Variants in PRELID2 observed in about 807,000 individuals in gnomAD.
PRELID2 encodes the protein PRELI domain containing 2.
A neutral mutation model predicts 28.4 loss-of-function variants in PRELID2; 25 were observed. The ratio of observed to expected loss-of-function variants is 0.88; its 90% confidence interval spans 0.64 to 1.23. The LOEUF is 1.23. Ranked by LOEUF, PRELID2 falls within the 50% of genes most tolerant of loss-of-function variation. The pLI, the probability that PRELID2 is intolerant of heterozygous loss-of-function variation, is 0.00. For synonymous variants in PRELID2, 76 were observed against 71.6 expected (o/e 1.06, Z -0.31); for missense variants, 201 against 214.4 (o/e 0.94, Z 0.39).
At chr5:145,579,884 A>G (rs934869929) in intron 1 of PRELID2, among the ~76,000 whole-genome samples, 1 of 152,028 alleles carries the variant, frequency 6.6e-6, no homozygotes, top group African/African-American at 2.4e-5. Flanking sequence ...TAAGGGCACA[A>G]CCTTGCCAGG....
chr5:145,275,767 T>G, the PRELID2 span, among the ~76,000 whole-genome samples: 3 of 152,124 alleles, frequency 2.0e-5, no homozygotes, highest in Admixed American at 1.3e-4. Flanking sequence ...TTTAGTCCAA[T>G]GGTTAAGAAC....
chr5:145,532,561 ATGTATT>A, intron 1 of PRELID2, among the ~76,000 whole-genome samples: 1 of 152,184 alleles, frequency 6.6e-6, no homozygotes, highest in South Asian at 2.1e-4. Flanking sequence ...GATCTGCAGA[ATGTATT>A]CCTCCTGTCT....
chr5:145,764,920 T>C lies in PRELID2; in HGVS notation c.*10+11A>G. The C allele has an allele frequency of 6.2e-7, 1 of 1,600,242 alleles. No homozygotes were observed. Among genetic ancestry groups the C allele is most frequent in the South Asian group, 1.1e-5 (1 of 90,678 alleles). On this transcript the variant is annotated intron_variant, in intron 6 of 6. Transcript: ENST00000683046. ...TGTGTAAATAATTCTGACTTTGCTT[T>C]TGGTACTCACTGATGATTCTTTATT...
chr5:145,688,771 A>G (rs1055701145), intron 1 of PRELID2, among the ~76,000 whole-genome samples: 2 of 152,230 alleles, frequency 1.3e-5, no homozygotes, highest in African/African-American at 4.8e-5. Context: ...CGATGCAACT[A>G]TAAAATCAGG....
the PRELID2 span, among the ~76,000 whole-genome samples, chr5:145,307,793 G>GA: frequency 0.022 from 3,254 of 147,946 alleles, 57 homozygotes; most frequent in Non-Finnish European, 0.035. Context: ...ATTGGAGCAG[G>GA]AAAAAAAAAA....
At chr5:145,556,134 C>T (rs1026026490) in intron 1 of PRELID2, among the ~76,000 whole-genome samples, 5 of 147,300 alleles carry the variant, frequency 3.4e-5, no homozygotes, top group African/African-American at 1.0e-4. Flanking sequence ...GCCAAGATCA[C>T]GCCACTGCAC....
chr5:145,828,224 T>G (rs185332618), intron 1 of PRELID2, among the ~76,000 whole-genome samples: 3 of 152,306 alleles, frequency 2.0e-5, no homozygotes, highest in East Asian at 1.9e-4. Flanking sequence ...CTCAAAGAGT[T>G]GTTATAAGAA....
intron 1 of PRELID2, among the ~76,000 whole-genome samples, chr5:145,688,142 AG>A (rs1326313445): frequency 3.7e-4 from 56 of 152,324 alleles, no homozygotes; most frequent in African/African-American, 1.3e-3. Flanking sequence ...GGTGATGGGA[AG>A]GCTTTTAACC....
chr5:145,400,819 C>T, the PRELID2 span, among the ~76,000 whole-genome samples: 24 of 152,114 alleles, frequency 1.6e-4, no homozygotes, highest in Non-Finnish European at 2.9e-4. Flanking sequence ...CAACCATGAC[C>T]TGGGACAGAA....
chr5:145,483,881 G>A (rs190177811), intron 1 of PRELID2, among the ~76,000 whole-genome samples: 169 of 152,302 alleles, frequency 1.1e-3, no homozygotes, highest in African/African-American at 3.8e-3. Flanking sequence ...GCAAGTGAGT[G>A]TTTCCCTTGT....
At chr5:145,585,421 G>A (rs959035732) in intron 1 of PRELID2, among the ~76,000 whole-genome samples, 5 of 152,110 alleles carry the variant, frequency 3.3e-5, no homozygotes, top group African/African-American at 9.7e-5. Flanking sequence ...TGCACCTCCT[G>A]CACATGTACC....
the PRELID2 span, among the ~76,000 whole-genome samples, chr5:145,251,597 C>T: frequency 1.3e-5 from 2 of 152,126 alleles, no homozygotes; most frequent in African/African-American, 4.8e-5. Flanking sequence ...TGTAACATCT[C>T]TATATGGGAT....
chr5:145,648,375 T>A (rs534254477), intron 1 of PRELID2, among the ~76,000 whole-genome samples: 5 of 151,926 alleles, frequency 3.3e-5, no homozygotes, highest in African/African-American at 9.7e-5. Flanking sequence ...GGTCCATGCC[T>A]ATAAGACAAA....
chr5:145,332,178 T>A, the PRELID2 span, among the ~76,000 whole-genome samples: 14 of 152,308 alleles, frequency 9.2e-5, no homozygotes, highest in East Asian at 2.7e-3. Flanking sequence ...ACCTTACCTT[T>A]CTCTCTGGCT....
At chr5:145,665,986 T>TAAAA (rs79255272) in intron 1 of PRELID2, among the ~76,000 whole-genome samples, 3 of 138,182 alleles carry the variant, frequency 2.2e-5, no homozygotes, top group South Asian at 2.3e-4. Flanking sequence ...GTCTTTTTTT[T>TAAAA]AAAAAAAAAA....
chr5:145,819,889 G>T, intron 3 of PRELID2, 56 bp downstream of exon 3: 2 of 1,080,176 alleles, frequency 1.9e-6, no homozygotes, highest in South Asian at 1.3e-5. Context: ...TCCTTTTCAT[G>T]ACTATTAAAA....
At chr5:145,704,387 G>A (rs553514639) in intron 1 of PRELID2, 1 of 152,290 alleles carries the variant, frequency 6.6e-6, no homozygotes, top group South Asian at 2.1e-4. Flanking sequence ...ACGATCTGCA[G>A]CCCAAATATG....
intron 1 of PRELID2, among the ~76,000 whole-genome samples, chr5:145,615,640 G>A (rs1329916801): frequency 6.6e-6 from 1 of 152,028 alleles, no homozygotes; most frequent in Non-Finnish European, 1.5e-5. Flanking sequence ...GTCTCTTATA[G>A]GTGGTAGATA....
In PRELID2 at chr5:145,820,022, A is replaced by G; in HGVS notation, c.134-4T>C. ...TAGATGACCCCTGTTGATTCATCTA[A>G]AAAAGAAATTTTTTTACACAAAAAA... On this transcript the variant is annotated splice_region_variant and splice_polypyrimidine_tract_variant and intron_variant, in intron 2 of 6. Transcript: ENST00000683046. 6.4e-7 allele frequency: 1 copy of G among 1,563,748 alleles called. No homozygotes were observed. Among genetic ancestry groups the G allele is most frequent in the Non-Finnish European group, 8.7e-7 (1 of 1,148,926 alleles).
Sources: allele counts gnomAD v4.1 joint callset (sites outside exome capture counted in the v4.1 genomes callset), GRCh38; gene constraint gnomAD v4.1.1; transcripts MANE v1.5; gene names NCBI Gene and HGNC (gene_info 2026-07-23, HGNC 2026-07-21).